The following TRAK2 variants were observed in gnomAD, a reference collection of about 807,000 sequenced individuals.
TRAK2 encodes trafficking kinesin-binding protein 2.
TRAK2 carries 81 observed loss-of-function variants against 104.6 expected under a neutral mutation model. That is an observed-to-expected ratio of 0.77 (90% CI 0.65 to 0.93). The LOEUF is 0.93. Ranked by LOEUF, TRAK2 falls within the 40% of genes least tolerant of loss-of-function variation. TRAK2 has a pLI of 0.00. For missense variants in TRAK2, 1,002 were observed against 1,089.0 expected (o/e 0.92, Z 1.12); for synonymous variants, 406 against 394.4 (o/e 1.03, Z -0.35).
chr2:201,405,811 C>T (rs1192766456), intron 3 of TRAK2, among the ~76,000 whole-genome samples: 1 of 152,000 alleles, frequency 6.6e-6, no homozygotes, highest in Non-Finnish European at 1.5e-5. Context: ...GGTGAAACCC[C>T]GTCTCTACTA....
chr2:201,437,263 T>C (rs1380589772), intron 1 of TRAK2, among the ~76,000 whole-genome samples: 3 of 152,140 alleles, frequency 2.0e-5, no homozygotes, highest in Non-Finnish European at 4.4e-5. Flanking sequence ...ATTTGAGAAC[T>C]CTCTTCCTCT....
At position 201,380,752 on chromosome 2, in the gene TRAK2, C is replaced by T. The variant is rs1289940134; in HGVS notation, c.2536G>A (p.Val846Met). The T allele has an allele frequency of 2.5e-6, 4 of 1,614,150 alleles. No homozygotes were observed. The highest frequency in any genetic ancestry group is 3.4e-6 in the Non-Finnish European group (4 of 1,179,998). ...DRLKRLGIAR[V>M]VKNPGAQENG... is the part of the protein sequence containing the mutation. Reference sequence around the variant, plus strand: ...TCTTGGGCACCAGGGTTCTTGACCACTCTGGCTATCCCCAGTCTCTTCAGC... The same window carrying T: ...TCTTGGGCACCAGGGTTCTTGACCATTCTGGCTATCCCCAGTCTCTTCAGC... The change falls in exon 16 of 16, where the codon GTG becomes ATG. Residue 846 changes from valine to methionine, a missense_variant. Transcript: ENST00000332624.
At chr2:201,392,764 G>T (rs1254964225) in intron 10 of TRAK2, 145 bp downstream of exon 10, 4 of 716,958 alleles carry the variant, frequency 5.6e-6, no homozygotes, top group African/African-American at 3.6e-5. Context: ...TACAAATTAG[G>T]GCCTAAATCA....
chr2:201,408,262 C>A (rs1300621249), intron 2 of TRAK2, among the ~76,000 whole-genome samples: 1 of 152,166 alleles, frequency 6.6e-6, no homozygotes, highest in Non-Finnish European at 1.5e-5. Context: ...GAATTACATA[C>A]TATCTAAATA....
intron 1 of TRAK2, among the ~76,000 whole-genome samples, chr2:201,445,811 C>T (rs894842183): frequency 3.3e-5 from 5 of 152,144 alleles, no homozygotes; most frequent in African/African-American, 1.2e-4. Context: ...TGAACTTGAT[C>T]CTGCAGGGAA....
At chr2:201,430,901 G>A (rs1044031371) in intron 1 of TRAK2, among the ~76,000 whole-genome samples, 18 of 152,172 alleles carry the variant, frequency 1.2e-4, no homozygotes, top group South Asian at 4.1e-4. Flanking sequence ...TGTCTTCTGC[G>A]TCACTCACGC....
intron 2 of TRAK2, among the ~76,000 whole-genome samples, chr2:201,420,093 T>G (rs948057303): frequency 2.6e-5 from 4 of 152,232 alleles, no homozygotes; most frequent in Non-Finnish European, 5.9e-5. Context: ...CAGGCATTGT[T>G]GTTAGGTACC....
At chr2:201,414,012 T>G in intron 2 of TRAK2, among the ~76,000 whole-genome samples, 1 of 152,196 alleles carries the variant, frequency 6.6e-6, no homozygotes, top group East Asian at 1.9e-4. Context: ...AGCCTTAATT[T>G]CTCTCATTTG....
chr2:201,411,289 C>G, intron 2 of TRAK2: 1 of 740,924 alleles, frequency 1.3e-6, no homozygotes, highest in Non-Finnish European at 2.5e-6. Flanking sequence ...TTTTGTTTTT[C>G]TTCAAGTGTA....
In TRAK2 at chr2:201,393,060, T is replaced by A. The variant is rs755633364; in HGVS notation, c.976-14A>T. ...TAACTCGTGCAGCTAAAAGAAAGGATGGTAGTGTACTTTATTGCCTTCCCA... is the reference window on the plus strand; with the variant it reads ...TAACTCGTGCAGCTAAAAGAAAGGAAGGTAGTGTACTTTATTGCCTTCCCA... On this transcript the variant is annotated splice_polypyrimidine_tract_variant and intron_variant, in intron 9 of 15. Transcript: ENST00000332624. The A allele has an allele frequency of 1.2e-6, 2 of 1,604,892 alleles. No individual in the cohort carries two copies. Among genetic ancestry groups the A allele is most frequent in the East Asian group, 4.5e-5 (2 of 44,756 alleles).
intron 4 of TRAK2, 44 bp downstream of exon 4, chr2:201,400,974 C>T (rs1299460543): frequency 3.3e-6 from 5 of 1,492,984 alleles, no homozygotes; most frequent in Non-Finnish European, 4.7e-6. Context: ...AAATGATCCT[C>T]AAGTTTTACC....
chr2:201,439,498 C>G (rs928206979), intron 1 of TRAK2, among the ~76,000 whole-genome samples: 3 of 151,268 alleles, frequency 2.0e-5, no homozygotes, highest in Admixed American at 2.0e-4. Context: ...AATAAACTGC[C>G]ATGGGAGGAA....
At chr2:201,409,001 AG>A (rs1166874737) in intron 2 of TRAK2, among the ~76,000 whole-genome samples, 4 of 152,136 alleles carry the variant, frequency 2.6e-5, no homozygotes, top group Non-Finnish European at 5.9e-5. Flanking sequence ...CGGAAAGGGG[AG>A]GGGAAAAAGT....
chr2:201,410,676 C>T (rs1951638038), intron 2 of TRAK2: 10 of 1,306,356 alleles, frequency 7.7e-6, no homozygotes, highest in Non-Finnish European at 1.0e-5. Flanking sequence ...CTATCATGTT[C>T]ATCTGTGTTC....
chr2:201,392,127 CA>C (rs1287742129), intron 10 of TRAK2, among the ~76,000 whole-genome samples: 9 of 151,998 alleles, frequency 5.9e-5, no homozygotes, highest in Admixed American at 2.0e-4. Flanking sequence ...TAAAATAGCC[CA>C]GGGGGAAAGA....
At chr2:201,404,812 C>T (rs1218315521) in intron 3 of TRAK2, among the ~76,000 whole-genome samples, 2 of 152,244 alleles carry the variant, frequency 1.3e-5, no homozygotes, top group Admixed American at 6.5e-5. Flanking sequence ...ACAGTGCCCA[C>T]ATGGCATAGT....
At chr2:201,418,786 G>C (rs1951714885) in intron 2 of TRAK2, among the ~76,000 whole-genome samples, 1 of 152,072 alleles carries the variant, frequency 6.6e-6, no homozygotes, top group Non-Finnish European at 1.5e-5. Flanking sequence ...CTTAAAAGTA[G>C]AAGTAAAAAC....
At position 201,395,316 on chromosome 2, in the gene TRAK2, CTTTAAGTTTG is replaced by C; in HGVS notation, c.888_897del (p.His296GlnfsTer4). ...GTTGAATGAATGAATAAACCTACTT[CTTTAAGTTTG>C]TGCTGAAGGTCTACAATCTGTGACA... On this transcript the variant is annotated frameshift_variant, in exon 8 of 16. Coordinates refer to ENST00000332624, the MANE Select transcript of TRAK2 (RefSeq NM_015049.3). LOFTEE classifies it high-confidence loss of function. 1 of 1,602,520 alleles carries C rather than the reference CTTTAAGTTTG, an allele frequency of 6.2e-7. No individual in the cohort carries two copies. The highest frequency in any genetic ancestry group is 8.5e-7 in the Non-Finnish European group (1 of 1,171,504).
At chr2:201,393,138 T>C (rs1322212570) in intron 9 of TRAK2, 92 bp from the exon 10 acceptor site, 2 of 1,313,346 alleles carry the variant, frequency 1.5e-6, no homozygotes, top group East Asian at 2.3e-5. Context: ...GTATTGATTT[T>C]ACCCAGAGGG....
Sources: gnomAD v4.1 joint callset for allele counts (sites outside exome capture counted in the v4.1 genomes callset) on GRCh38, gnomAD v4.1.1 for gene constraint, MANE v1.5 for transcripts, NCBI Gene and HGNC (gene_info 2026-07-23, HGNC 2026-07-21) for gene names.